Variants in NRXN1 observed in about 807,000 individuals in gnomAD.
NRXN1 encodes the protein neurexin 1.
Under a neutral mutation model 150.9 loss-of-function variants are expected in NRXN1, and 39 were observed. That is an observed-to-expected ratio of 0.26 (90% CI 0.20 to 0.34). The LOEUF (loss-of-function observed/expected upper bound fraction) is 0.34. NRXN1 is among the 10% of genes least tolerant of loss of function. The pLI, the probability that NRXN1 is intolerant of heterozygous loss-of-function variation, is 1.00. For missense variants in NRXN1, 1,815 were observed against 1,949.9 expected, an observed-to-expected ratio of 0.93 and a Z score of 1.30; for synonymous variants, 924 against 757.0, an observed-to-expected ratio of 1.22 and a Z score of -3.62.
intron 21 of NRXN1, among the ~76,000 whole-genome samples, chr2:50,015,979 AATAG>A (rs1232795478): frequency 6.6e-6 from 1 of 152,210 alleles, no homozygotes; most frequent in African/African-American, 2.4e-5. Flanking sequence ...ACACGGGCTA[AATAG>A]ATAAATAGTT....
At chr2:50,095,290 G>A (rs1258064703) in intron 18 of NRXN1, among the ~76,000 whole-genome samples, 1 of 152,174 alleles carries the variant, frequency 6.6e-6, no homozygotes, top group African/African-American at 2.4e-5. Context: ...TGGTTAGAAA[G>A]AAATATTTTT....
At chr2:50,699,775 T>A (rs1693465684) in intron 5 of NRXN1, among the ~76,000 whole-genome samples, 1 of 152,042 alleles carries the variant, frequency 6.6e-6, no homozygotes, top group African/African-American at 2.4e-5. Flanking sequence ...AGACACATGA[T>A]ACTCAGACTT....
intron 17 of NRXN1, among the ~76,000 whole-genome samples, chr2:50,391,388 G>A (rs2081683231): frequency 6.6e-6 from 1 of 151,982 alleles, no homozygotes; most frequent in Non-Finnish European, 1.5e-5. Context: ...AATATCATAA[G>A]TTAATGAGTT....
intron 21 of NRXN1, among the ~76,000 whole-genome samples, chr2:50,051,577 T>C (rs141820511): frequency 1.3e-5 from 2 of 152,104 alleles, no homozygotes; most frequent in African/African-American, 4.8e-5. Flanking sequence ...AAATCATTAA[T>C]GAAACATTAG....
intron 5 of NRXN1, among the ~76,000 whole-genome samples, chr2:50,766,164 A>G (rs1702362877): frequency 6.6e-6 from 1 of 152,020 alleles, no homozygotes; most frequent in Non-Finnish European, 1.5e-5. Flanking sequence ...AGTAGCATAG[A>G]AATCAGGGAG....
chr2:49,996,372 T>A (rs990715944), intron 21 of NRXN1, among the ~76,000 whole-genome samples: 1 of 152,164 alleles, frequency 6.6e-6, no homozygotes, highest in African/African-American at 2.4e-5. Flanking sequence ...CCACAAATCA[T>A]TCAGTTTACC....
intron 5 of NRXN1, among the ~76,000 whole-genome samples, chr2:50,708,935 G>T (rs976017760): frequency 6.6e-6 from 1 of 152,334 alleles, no homozygotes; most frequent in African/African-American, 2.4e-5. Flanking sequence ...GAACAAGCCT[G>T]TTGGTGCTTT....
chr2:50,118,455 T>C (rs941812862), intron 18 of NRXN1, among the ~76,000 whole-genome samples: 25 of 151,512 alleles, frequency 1.7e-4, no homozygotes, highest in African/African-American at 5.3e-4. Flanking sequence ...AGTGTTTTCT[T>C]TTTTTTTTCT....
intron 5 of NRXN1, among the ~76,000 whole-genome samples, chr2:50,895,403 T>C (rs1241983837): frequency 6.6e-6 from 1 of 152,174 alleles, no homozygotes; most frequent in Non-Finnish European, 1.5e-5. Flanking sequence ...CATTTCATTA[T>C]AGATAAGTTG....
At chr2:50,341,190 A>C (rs950129244) in intron 17 of NRXN1, among the ~76,000 whole-genome samples, 1 of 152,158 alleles carries the variant, frequency 6.6e-6, no homozygotes, top group African/African-American at 2.4e-5. Context: ...CACTTAAATT[A>C]TTTAGATCTC....
intron 18 of NRXN1, among the ~76,000 whole-genome samples, chr2:50,137,146 C>A (rs541254186): frequency 6.6e-6 from 1 of 152,182 alleles, no homozygotes; most frequent in African/African-American, 2.4e-5. Flanking sequence ...TCAGAGTAAT[C>A]ATTCCATAAT....
intron 21 of NRXN1, chr2:49,945,124 A>G (rs1276010773): frequency 6.6e-6 from 1 of 152,140 alleles, no homozygotes; most frequent in Non-Finnish European, 1.5e-5. Context: ...TTTAAATAGC[A>G]TTGGAGATGG....
chr2:50,843,008 T>C (rs1463112825), intron 5 of NRXN1, among the ~76,000 whole-genome samples: 2 of 152,214 alleles, frequency 1.3e-5, no homozygotes, highest in East Asian at 3.9e-4. Context: ...CATTTACAGA[T>C]GTCTGTGGGT....
At chr2:50,959,955 C>A (rs1464432685) in intron 2 of NRXN1, among the ~76,000 whole-genome samples, 1 of 152,000 alleles carries the variant, frequency 6.6e-6, no homozygotes, top group Admixed American at 6.6e-5. Context: ...CAAAAAATTA[C>A]TTATAGTCCT....
chr2:49,999,984 G>T (rs1355618663), intron 21 of NRXN1, among the ~76,000 whole-genome samples: 1 of 152,138 alleles, frequency 6.6e-6, no homozygotes, highest in African/African-American at 2.4e-5. Flanking sequence ...AAAACAAAAG[G>T]TATATTAAAT....
intron 21 of NRXN1, among the ~76,000 whole-genome samples, chr2:49,955,717 A>T (rs924963653): frequency 2.1e-4 from 32 of 150,970 alleles, no homozygotes; most frequent in African/African-American, 7.4e-4. Context: ...GCAAAAAAGA[A>T]AAAAAAACTA....
chr2:50,590,263 AGT>A (rs1357745631), intron 8 of NRXN1, among the ~76,000 whole-genome samples: 1 of 152,158 alleles, frequency 6.6e-6, no homozygotes. Flanking sequence ...TAAAAAATGG[AGT>A]TTTATGCTGC....
At position 50,962,514 on chromosome 2, in the gene NRXN1, C is replaced by T. The variant is rs945246276; in HGVS notation, c.773-36559G>A. Among the ~76,000 whole-genome samples, 4 of 83,344 alleles carry T rather than the reference C, an allele frequency of 4.8e-5. No individual in the cohort carries two copies. In the East Asian group the frequency reaches 2.4e-3, roughly 50 times the overall value. The allele number at this position is 83,344 out of a possible 152,430, so 54.7% of individuals were successfully genotyped here. A position where few individuals can be genotyped will look rare whatever the true frequency, so the allele number is the denominator to read the frequency against. On this transcript the variant is annotated intron_variant, in intron 2 of 22. Transcript: ENST00000401669. Reference sequence around the variant, plus strand: ...CTCTATATATTCACAGAGCCAAGTGCTTGGTTTGTTTGTTTGTTTGTTTGT... The same window carrying T: ...CTCTATATATTCACAGAGCCAAGTGTTTGGTTTGTTTGTTTGTTTGTTTGT...
At chr2:50,695,642 G>A (rs994673543) in intron 5 of NRXN1, among the ~76,000 whole-genome samples, 1 of 152,140 alleles carries the variant, frequency 6.6e-6, no homozygotes, top group African/African-American at 2.4e-5. Flanking sequence ...ATTAAAATAT[G>A]TGAAATATGT....
Sources: allele counts gnomAD v4.1 joint callset (sites outside exome capture counted in the v4.1 genomes callset), GRCh38; gene constraint gnomAD v4.1.1; transcripts MANE v1.5; gene names NCBI Gene and HGNC (gene_info 2026-07-23, HGNC 2026-07-21).